TMEM232: variants seen among roughly 807,000 people sequenced by gnomAD.
The protein encoded by TMEM232 is transmembrane protein 232.
TMEM232 carries 80 observed loss-of-function variants against 78.8 expected under a neutral mutation model. The observed-to-expected ratio is 1.01, with a 90% CI of 0.85 to 1.22. The LOEUF (loss-of-function observed/expected upper bound fraction) is 1.22, where lower values mean the gene tolerates loss of function less well. Among genes scored for constraint, TMEM232 ranks in the 50% most tolerant of loss-of-function variants. TMEM232 has a pLI of 0.00. For missense variants in TMEM232, 881 were observed against 742.2 expected, an observed-to-expected ratio of 1.19 and a Z score of -2.17; for synonymous variants, 297 against 254.3, an observed-to-expected ratio of 1.17 and a Z score of -1.60.
At chr5:110,541,466 A>G (rs1773104978) in intron 11 of TMEM232, among the ~76,000 whole-genome samples, 1 of 152,182 alleles carries the variant, frequency 6.6e-6, no homozygotes, top group African/African-American at 2.4e-5. Context: ...GGTCCTCTTA[A>G]GAGAAATAAC....
chr5:110,521,838 A>G (rs1581055494), intron 12 of TMEM232, among the ~76,000 whole-genome samples: 2 of 152,274 alleles, frequency 1.3e-5, no homozygotes, highest in East Asian at 3.9e-4. Context: ...TTATGCTAAT[A>G]CCATACTCTT....
chr5:110,542,604 A>G (rs1773276675), intron 11 of TMEM232, among the ~76,000 whole-genome samples: 2 of 152,070 alleles, frequency 1.3e-5, no homozygotes, highest in South Asian at 2.1e-4. Flanking sequence ...AAGAAAGACC[A>G]TCGGTCCTTC....
intron 3 of TMEM232, among the ~76,000 whole-genome samples, chr5:110,391,326 T>TGTGAGAGAGAGAGAGAGAGAGAGAGA (rs549361387): frequency 2.9e-5 from 4 of 139,916 alleles, no homozygotes; most frequent in South Asian, 2.3e-4. Context: ...TGTGTGTGTG[T>TGTGAGAGAGAGAGAGAGAGAGAGAGA]GAGAGAGAGA....
intron 12 of TMEM232, among the ~76,000 whole-genome samples, chr5:110,527,764 A>T (rs1770805203): frequency 6.6e-6 from 1 of 152,048 alleles, no homozygotes; most frequent in African/African-American, 2.4e-5. Flanking sequence ...AACATATCAA[A>T]AAATGAATTA....
chr5:110,493,912 C>T (rs1189508982), intron 12 of TMEM232, among the ~76,000 whole-genome samples: 1 of 151,884 alleles, frequency 6.6e-6, no homozygotes, highest in Non-Finnish European at 1.5e-5. Flanking sequence ...GGTATTTCTC[C>T]TAATGCTATC....
intron 1 of TMEM232, among the ~76,000 whole-genome samples, chr5:110,683,863 G>A (rs1457406636): frequency 2.0e-5 from 3 of 151,908 alleles, no homozygotes; most frequent in Non-Finnish European, 2.9e-5. Flanking sequence ...ACGGAGATGG[G>A]TTTAGTCTCA....
chr5:110,387,651 A>T (rs541167598), intron 5 of TMEM232: 1 of 152,242 alleles, frequency 6.6e-6, no homozygotes, highest in South Asian at 2.1e-4. Flanking sequence ...CATTTTATGG[A>T]TGGCTTCCAT....
chr5:110,643,367 C>T (rs948041715), intron 2 of TMEM232, among the ~76,000 whole-genome samples: 7 of 151,832 alleles, frequency 4.6e-5, no homozygotes, highest in East Asian at 3.9e-4. Flanking sequence ...TACCAATATT[C>T]GAGTCATCAG....
chr5:110,440,401 C>T (rs558009831), intron 12 of TMEM232, among the ~76,000 whole-genome samples: 3 of 152,154 alleles, frequency 2.0e-5, no homozygotes, highest in African/African-American at 7.2e-5. Context: ...TGATTTATCC[C>T]CTTCATCTGG....
Position 110,694,848 on chromosome 5 carries a change from T to C in TMEM232, c.-12-27484A>G, listed in dbSNP as rs541613109. On this transcript the variant is annotated intron_variant, in intron 1 of 13. Coordinates refer to ENST00000455884, the MANE Select transcript of TMEM232 (RefSeq NM_001039763.4). ...AGAGACTTAGACTCCGACACAATAA[T>C]AATGGGAGACTTTAACACCCCACTG... is the stretch of plus-strand genomic sequence containing the variant. Among the ~76,000 whole-genome samples the C allele has an allele frequency of 7.2e-5, 11 of 152,222 alleles. No individual in the cohort carries two copies. The South Asian group carries it at 2.3e-3, about 32-fold the overall frequency.
intron 12 of TMEM232, among the ~76,000 whole-genome samples, chr5:110,472,536 T>C (rs926572114): frequency 3.3e-5 from 5 of 151,806 alleles, no homozygotes; most frequent in Non-Finnish European, 1.5e-5. Context: ...TTTACAGAAA[T>C]AGAAAAAATA....
chr5:110,430,016 G>C (rs72788427), intron 12 of TMEM232: 6 of 151,630 alleles, frequency 4.0e-5, no homozygotes, highest in Admixed American at 6.6e-5. Flanking sequence ...ACTGTCCATG[G>C]AGCCTTGATT....
intron 11 of TMEM232, among the ~76,000 whole-genome samples, chr5:110,542,166 A>C (rs1300223852): frequency 6.6e-6 from 1 of 152,162 alleles, no homozygotes; most frequent in African/African-American, 2.4e-5. Flanking sequence ...AAGACAGCCA[A>C]AAGATAAGTA....
At chr5:110,596,433 G>A (rs1210965876) in intron 10 of TMEM232, among the ~76,000 whole-genome samples, 2 of 152,126 alleles carry the variant, frequency 1.3e-5, no homozygotes, top group Non-Finnish European at 2.9e-5. Flanking sequence ...TCTACCAGAG[G>A]TACAAAGAGG....
At chr5:110,621,044 G>A (rs902901436) in intron 7 of TMEM232, among the ~76,000 whole-genome samples, 6 of 151,152 alleles carry the variant, frequency 4.0e-5, no homozygotes, top group African/African-American at 1.5e-4. Context: ...TATATTTTTA[G>A]TACAGACAGG....
rs140705229 is a variant in TMEM232 at position 110,511,648 on chromosome 5, C to T, written c.1703+16940G>A. Among the ~76,000 whole-genome samples, 1,044 of 152,062 alleles carry T rather than the reference C, an allele frequency of 6.9e-3. 21 individuals carry two copies. The highest frequency in any genetic ancestry group is 0.023 in the African/African-American group (949 of 41,482). On this transcript the variant is annotated intron_variant, in intron 12 of 13. Coordinates refer to ENST00000455884, the MANE Select transcript of TMEM232 (RefSeq NM_001039763.4). ...CTAATTTCTCATAAGCAACCTAAAA[C>T]GAAGGTGTTATCATTACATCACTTT... is the stretch of plus-strand genomic sequence containing the variant.
At chr5:110,477,721 A>T (rs1229691053) in intron 12 of TMEM232, among the ~76,000 whole-genome samples, 1 of 151,876 alleles carries the variant, frequency 6.6e-6, no homozygotes, top group Non-Finnish European at 1.5e-5. Context: ...CATAATGATG[A>T]TAAACCATTG....
chr5:110,728,658 C>T (rs1036670542), upstream of TMEM232, among the ~76,000 whole-genome samples: 6 of 150,942 alleles, frequency 4.0e-5, no homozygotes, highest in South Asian at 1.2e-3. Flanking sequence ...AATTAGTCAT[C>T]TACATTGAAG....
intron 2 of TMEM232, among the ~76,000 whole-genome samples, chr5:110,648,114 G>A (rs1787772275): frequency 6.6e-6 from 1 of 151,892 alleles, no homozygotes; most frequent in Non-Finnish European, 1.5e-5. Flanking sequence ...AAAAAGGGAA[G>A]TCACAAAGGA....
Sources: allele counts gnomAD v4.1 joint callset (sites outside exome capture counted in the v4.1 genomes callset), GRCh38; gene constraint gnomAD v4.1.1; transcripts MANE v1.5; gene names NCBI Gene and HGNC (gene_info 2026-07-23, HGNC 2026-07-21).